Variants in LOC128092252 observed in about 807,000 individuals in gnomAD.
chr15:50,676,056 AAT>A, the LOC128092252 span, among the ~76,000 whole-genome samples: 18 of 152,234 alleles, frequency 1.2e-4, no homozygotes, highest in African/African-American at 4.3e-4. Flanking sequence ...GTTTTAGCAC[AAT>A]GCATGGCACA....
chr15:50,675,554 T>C, the LOC128092252 span, among the ~76,000 whole-genome samples: 2 of 152,284 alleles, frequency 1.3e-5, no homozygotes, highest in South Asian at 2.1e-4. Context: ...CAGCTGAAAG[T>C]TGTAAATATC....
the LOC128092252 span, among the ~76,000 whole-genome samples, chr15:50,657,045 C>T: frequency 1.3e-5 from 2 of 152,084 alleles, no homozygotes; most frequent in Admixed American, 6.6e-5. Context: ...TAAAATCAGC[C>T]GGGCCTGGTG....
the LOC128092252 span, among the ~76,000 whole-genome samples, chr15:50,681,819 T>C: frequency 6.6e-6 from 1 of 152,224 alleles, no homozygotes; most frequent in Admixed American, 6.5e-5. Context: ...ACTTTAATCC[T>C]AATATTGCTC....
chr15:50,679,403 T>C, the LOC128092252 span, among the ~76,000 whole-genome samples: 3 of 147,990 alleles, frequency 2.0e-5, no homozygotes, highest in Non-Finnish European at 4.4e-5. Flanking sequence ...CAACCCATTA[T>C]CTATCAGTGA....
chr15:50,667,259 C>T, the LOC128092252 span, among the ~76,000 whole-genome samples: 6 of 152,130 alleles, frequency 3.9e-5, no homozygotes, highest in Admixed American at 1.3e-4. Context: ...ACGCTTTCCT[C>T]GCCCTGTTCC....
At chr15:50,680,292 G>A in the LOC128092252 span, among the ~76,000 whole-genome samples, 1 of 152,024 alleles carries the variant, frequency 6.6e-6, no homozygotes. Flanking sequence ...TGTAATCCCA[G>A]TACTTTAGGA....
chr15:50,650,091 G>A, the LOC128092252 span, among the ~76,000 whole-genome samples: 4 of 150,156 alleles, frequency 2.7e-5, no homozygotes, highest in Non-Finnish European at 5.9e-5. Context: ...TACTCAGGAG[G>A]CTGAGGCAGG....
chr15:50,658,509 A>C, the LOC128092252 span, among the ~76,000 whole-genome samples: 1 of 151,654 alleles, frequency 6.6e-6, no homozygotes. Context: ...GGTCGAGGCT[A>C]AAGTGAGCCA....
chr15:50,686,157 A>G, the LOC128092252 span, among the ~76,000 whole-genome samples: 1 of 152,156 alleles, frequency 6.6e-6, no homozygotes, highest in African/African-American at 2.4e-5. Flanking sequence ...CGCCAGGAGG[A>G]CCGTGCTCCC....
the LOC128092252 span, among the ~76,000 whole-genome samples, chr15:50,654,308 G>T: frequency 6.6e-6 from 1 of 151,046 alleles, no homozygotes; most frequent in East Asian, 1.9e-4. Context: ...TTAGCTGGGC[G>T]TGGTGGTGTG....
the LOC128092252 span, among the ~76,000 whole-genome samples, chr15:50,650,120 G>A: frequency 6.9e-6 from 1 of 144,708 alleles, no homozygotes; most frequent in Non-Finnish European, 1.5e-5. Context: ...TTGAACCTGG[G>A]AGGCGCAGAC....
chr15:50,671,626 T>C, the LOC128092252 span, among the ~76,000 whole-genome samples: 1 of 144,038 alleles, frequency 6.9e-6, no homozygotes, highest in Non-Finnish European at 1.5e-5. Flanking sequence ...CTGGGCAGCA[T>C]AATGAGATCC....
chr15:50,670,323 C>T, the LOC128092252 span, among the ~76,000 whole-genome samples: 1 of 152,052 alleles, frequency 6.6e-6, no homozygotes, highest in Non-Finnish European at 1.5e-5. Context: ...ACCTGCTGGG[C>T]TGCATTCCCA....
chr15:50,649,448 A>AG, the LOC128092252 span, among the ~76,000 whole-genome samples: 14 of 151,846 alleles, frequency 9.2e-5, no homozygotes, highest in South Asian at 2.1e-4. Context: ...AAAAAAAAAA[A>AG]AAAGAAAGAA....
chr15:50,684,366 G>A, the LOC128092252 span, among the ~76,000 whole-genome samples: 2 of 152,160 alleles, frequency 1.3e-5, no homozygotes, highest in East Asian at 1.9e-4. Context: ...TAGAAGCTGG[G>A]CAAAGTGGGG....
At chr15:50,658,521 G>C in the LOC128092252 span, among the ~76,000 whole-genome samples, 13 of 150,564 alleles carry the variant, frequency 8.6e-5, no homozygotes, top group African/African-American at 3.2e-4. Flanking sequence ...AGTGAGCCAT[G>C]ATCATGCCCC....
At chr15:50,657,207 C>A in the LOC128092252 span, among the ~76,000 whole-genome samples, 1,216 of 152,172 alleles carry the variant, frequency 8.0e-3, 8 homozygotes, top group Non-Finnish European at 0.012. Flanking sequence ...GCCTGTAATC[C>A]CAGCTACTCG....
chr15:50,679,522 A>G, the LOC128092252 span, among the ~76,000 whole-genome samples: 35 of 23,274 alleles, frequency 1.5e-3, 1 homozygote, highest in Middle Eastern at 0.019. Flanking sequence ...ATATATATAT[A>G]TATATATATA....
At chr15:50,668,717 AG>A in the LOC128092252 span, among the ~76,000 whole-genome samples, 1 of 152,184 alleles carries the variant, frequency 6.6e-6, no homozygotes, top group Non-Finnish European at 1.5e-5. Context: ...TATGTTGGCC[AG>A]GCTGGTCTCA....
Sources: allele counts gnomAD v4.1 joint callset (sites outside exome capture counted in the v4.1 genomes callset), GRCh38; gene constraint gnomAD v4.1.1; transcripts MANE v1.5.